Variants in NEURL1B observed in about 807,000 individuals in gnomAD.
NEURL1B encodes E3 ubiquitin-protein ligase NEURL1B.
A neutral mutation model predicts 37.4 loss-of-function variants in NEURL1B; 13 were observed. The observed-to-expected ratio is 0.35, with a 90% CI of 0.23 to 0.55. NEURL1B has a LOEUF of 0.55. NEURL1B is among the 20% of genes least tolerant of loss of function. The probability of loss-of-function intolerance (pLI) is 0.89; values close to 1 mark genes in which losing one functional copy is unlikely to be tolerated. For synonymous variants in NEURL1B, 432 were observed against 426.6 expected, an observed-to-expected ratio of 1.01 and a Z score of -0.16; for missense variants, 790 against 879.2, an observed-to-expected ratio of 0.90 and a Z score of 1.28.
intron 2 of NEURL1B, among the ~76,000 whole-genome samples, chr5:172,677,099 G>A (rs1758246204): frequency 6.6e-6 from 1 of 151,998 alleles, no homozygotes; most frequent in Non-Finnish European, 1.5e-5. Flanking sequence ...TGAGGGGCCT[G>A]TAAGCACACC....
In NEURL1B at chr5:172,683,649, G is replaced by C; in HGVS notation, c.808G>C (p.Ala270Pro). 6 of 1,252,438 alleles carry C rather than the reference G, an allele frequency of 4.8e-6. No homozygotes were observed. Among genetic ancestry groups the C allele is most frequent in the Non-Finnish European group, 6.1e-6 (6 of 990,542 alleles). 77.6% of individuals were successfully genotyped at this position (1,252,438 alleles called of 1,614,324 possible). The change falls in exon 3 of 5, where the codon GCG (alanine) becomes CCG (proline). Residue 270 changes from alanine to proline, a missense_variant. Around this residue, in one of 3 missense-constraint regions of NEURL1B, gnomAD observed 460 missense variants for 407.4 expected, o/e 1.13. Coordinates refer to ENST00000369800, the MANE Select transcript of NEURL1B (RefSeq NM_001142651.3). The surrounding 1 kb of genome is among the most constrained non-coding windows in gnomAD (Gnocchi z 5.6). ...PCGPRERPRP[A>P]SSPALLEADL... ...CGGGCCCCGTGAGCGCCCGCGGCCC[G>C]CGTCGTCGCCGGCGCTACTGGAGGC... is the stretch of plus-strand genomic sequence containing the variant.
At chr5:172,663,244 C>T (rs1757937699) in intron 1 of NEURL1B, among the ~76,000 whole-genome samples, 1 of 151,476 alleles carries the variant, frequency 6.6e-6, no homozygotes, top group Non-Finnish European at 1.5e-5. Context: ...TGGGATTGAC[C>T]AGGTGCAGTG....
At chr5:172,645,280 G>T in intron 1 of NEURL1B, among the ~76,000 whole-genome samples, 1 of 152,254 alleles carries the variant, frequency 6.6e-6, no homozygotes, top group Non-Finnish European at 1.5e-5. Flanking sequence ...CCTAACCTAC[G>T]TGGACAGTCT....
chr5:172,650,577 T>G (rs1276193084), intron 1 of NEURL1B, among the ~76,000 whole-genome samples: 2 of 152,208 alleles, frequency 1.3e-5, no homozygotes, highest in African/African-American at 4.8e-5. Context: ...CTAAGCTGTA[T>G]GATCCTGGGC....
intron 1 of NEURL1B, among the ~76,000 whole-genome samples, chr5:172,654,571 ATTTTTTTTTT>A (rs34546667): frequency 2.6e-4 from 35 of 137,028 alleles, no homozygotes; most frequent in Non-Finnish European, 5.0e-4. Flanking sequence ...GAGTTAAACT[ATTTTTTTTTT>A]TTTTTTTTTT....
intron 1 of NEURL1B, among the ~76,000 whole-genome samples, chr5:172,668,927 A>T (rs1262072801): frequency 1.3e-5 from 2 of 152,198 alleles, no homozygotes; most frequent in South Asian, 4.1e-4. Flanking sequence ...GTCTTTAGAA[A>T]TGAACCCCAA....
rs1472594804 is a variant in NEURL1B at position 172,687,867 on chromosome 5, C to A, written c.*942C>A. On this transcript the variant is annotated 3_prime_UTR_variant, in exon 5 of 5. Transcript: ENST00000369800. ...ACTCCACGATGCAGACAGCTCTCTA[C>A]CTTCCTGTGGTGGCCCCTGGGCCTG... 6.6e-6 allele frequency: 1 copy of A among 152,190 alleles called. No individual in the cohort carries two copies. Among genetic ancestry groups the A allele is most frequent in the African/African-American group, 2.4e-5 (1 of 41,428 alleles). The allele number at this position is 152,190 out of a possible 1,614,324, so 9.4% of individuals were successfully genotyped here.
chr5:172,642,166 T>C (rs891720129), intron 1 of NEURL1B, among the ~76,000 whole-genome samples: 22 of 152,224 alleles, frequency 1.4e-4, no homozygotes, highest in Non-Finnish European at 2.8e-4. Flanking sequence ...CGCCCGCGCG[T>C]GCCCGTGGAG....
Position 172,672,703 on chromosome 5 carries a change from G to A in NEURL1B, c.577+2373G>A, listed in dbSNP as rs368994912. Among the ~76,000 whole-genome samples the A allele has an allele frequency of 6.6e-5, 10 of 152,214 alleles. No individual in the cohort carries two copies. In the East Asian group the frequency reaches 1.5e-3, roughly 24 times the overall value. The stretch of plus-strand genomic sequence containing the variant: ...CGTCCCTGAGCTGTGCTTATTGATG[G>A]AAACTACCTGGCACAGGTGCCACAG... On this transcript the variant is annotated intron_variant, in intron 2 of 4. Coordinates refer to ENST00000369800, the MANE Select transcript of NEURL1B (RefSeq NM_001142651.3).
chr5:172,650,204 T>C (rs1757636211), intron 1 of NEURL1B, among the ~76,000 whole-genome samples: 1 of 152,230 alleles, frequency 6.6e-6, no homozygotes, highest in Non-Finnish European at 1.5e-5. Flanking sequence ...CGTGTCTCCA[T>C]TGCCAGGTCT....
chr5:172,652,894 G>A (rs565996011), intron 1 of NEURL1B, among the ~76,000 whole-genome samples: 1 of 152,182 alleles, frequency 6.6e-6, no homozygotes, highest in Non-Finnish European at 1.5e-5. Flanking sequence ...GTCTGGAAGG[G>A]TTTTCCCCTG....
rs1389906554 is a variant in NEURL1B, at chr5:172,647,908, C to G, written c.31+6471C>G. Among the ~76,000 whole-genome samples the G allele has an allele frequency of 3.9e-5, 6 of 152,146 alleles. No homozygotes were observed. The highest frequency in any genetic ancestry group is 5.9e-5 in the Non-Finnish European group (4 of 68,016). The stretch of plus-strand genomic sequence containing the variant: ...GACACCCCCAGCCCCCAATGGCAAG[C>G]ATCACAGTGCTCCCAATACCTTCCC... On this transcript the variant is annotated intron_variant, in intron 1 of 4. Coordinates refer to ENST00000369800, the MANE Select transcript of NEURL1B (RefSeq NM_001142651.3). The surrounding 1 kb of genome is among the most constrained non-coding windows in gnomAD (Gnocchi z 4.2).
chr5:172,672,758 T>C (rs1186268084), intron 2 of NEURL1B, among the ~76,000 whole-genome samples: 1 of 152,126 alleles, frequency 6.6e-6, no homozygotes, highest in Non-Finnish European at 1.5e-5. Flanking sequence ...TTCTGTCCTT[T>C]TTTTTTTAAT....
intron 1 of NEURL1B, among the ~76,000 whole-genome samples, chr5:172,667,339 G>A (rs147589355): frequency 4.7e-5 from 7 of 149,350 alleles, no homozygotes; most frequent in African/African-American, 7.5e-5. Context: ...CCAGCTACTC[G>A]GGAGGCTGAG....
rs898848985 is a variant in NEURL1B, at chr5:172,683,147, G to A, written c.578-272G>A. 2.0e-5 allele frequency among the ~76,000 whole-genome samples: 3 copies of A among 152,180 alleles called. No individual in the cohort carries two copies. Among genetic ancestry groups the A allele is most frequent in the Non-Finnish European group, 2.9e-5 (2 of 68,028 alleles). On this transcript the variant is annotated intron_variant, in intron 2 of 4. Transcript: ENST00000369800. The surrounding 1 kb of genome is among the most constrained non-coding windows in gnomAD (Gnocchi z 5.6). ...AGGAGGGATGGAAGAAGAGAAAGGA[G>A]GAGGCAGGGGAAAAAGGGCCTTATC...
At chr5:172,660,605 T>C (rs1248512766) in intron 1 of NEURL1B, among the ~76,000 whole-genome samples, 6 of 152,352 alleles carry the variant, frequency 3.9e-5, no homozygotes, top group Admixed American at 3.9e-4. Context: ...CTGCCCCATT[T>C]GGCAGAGGTG....
In NEURL1B at chr5:172,661,914, T is replaced by C. The variant is rs907599278; in HGVS notation, c.32-7871T>C. ...CATTTAGGACGCCTGCTGGCATAGT[T>C]TAAAAATAGGCTTCTGTCCTTGGAC... On this transcript the variant is annotated intron_variant, in intron 1 of 4. Transcript: ENST00000369800. This position sits in a 1 kb window ranked among gnomAD's most constrained non-coding sequence, Gnocchi z 4.0. Among the ~76,000 whole-genome samples, 3 of 152,194 alleles carry C rather than the reference T, an allele frequency of 2.0e-5. No individual in the cohort carries two copies. Among genetic ancestry groups the C allele is most frequent in the Non-Finnish European group, 2.9e-5 (2 of 68,042 alleles).
chr5:172,660,894 G>T (rs1337216530), intron 1 of NEURL1B, among the ~76,000 whole-genome samples: 1 of 152,062 alleles, frequency 6.6e-6, no homozygotes, highest in Non-Finnish European at 1.5e-5. Flanking sequence ...GCCTTACAAA[G>T]TGCCGAGATT....
intron 1 of NEURL1B, among the ~76,000 whole-genome samples, chr5:172,662,978 G>A (rs1757930835): frequency 6.6e-6 from 1 of 151,470 alleles, no homozygotes. Context: ...TGTAATCCCA[G>A]TACTTTGGGA....
Sources: allele counts gnomAD v4.1 joint callset (sites outside exome capture counted in the v4.1 genomes callset), GRCh38; gene constraint gnomAD v4.1.1; regional missense constraint gnomAD v4.1.1; non-coding constraint Gnocchi (gnomAD v3.1); transcripts MANE v1.5; gene names NCBI Gene and HGNC (gene_info 2026-07-23, HGNC 2026-07-21).